DEUP1: variants seen among roughly 807,000 people sequenced by gnomAD.
The protein encoded by DEUP1 is coiled-coil domain containing 67.
A neutral mutation model predicts 87.4 loss-of-function variants in DEUP1; 82 were observed. The ratio of observed to expected loss-of-function variants is 0.94; its 90% CI spans 0.78 to 1.13. The LOEUF (loss-of-function observed/expected upper bound fraction) is 1.13, where lower values mean the gene tolerates loss of function less well. Among genes scored for constraint, DEUP1 ranks in the 50% most tolerant of loss-of-function variants. The pLI, the probability that DEUP1 is intolerant of heterozygous loss-of-function variation, is 0.00. For synonymous variants in DEUP1, 214 were observed against 222.7 expected, an observed-to-expected ratio of 0.96 and a Z score of 0.35; for missense variants, 663 against 681.5, an observed-to-expected ratio of 0.97 and a Z score of 0.30.
At chr11:93,372,133 T>G (rs1945766376) in intron 7 of DEUP1, among the ~76,000 whole-genome samples, 1 of 151,942 alleles carries the variant, frequency 6.6e-6, no homozygotes, top group South Asian at 2.1e-4. Context: ...TTTCACCGTT[T>G]TAGCCGGGAT....
chr11:93,344,420 C>T (rs1944232202), intron 2 of DEUP1, among the ~76,000 whole-genome samples: 1 of 151,820 alleles, frequency 6.6e-6, no homozygotes, highest in Admixed American at 6.6e-5. Context: ...TGCTTATCAG[C>T]CTTTGAAAAC....
Position 93,374,778 on chromosome 11 carries a change from T to C in DEUP1, c.789+3498T>C, listed in dbSNP as rs1003795025. 2.0e-5 allele frequency among the ~76,000 whole-genome samples: 3 copies of C among 152,258 alleles called. No homozygotes were observed. The South Asian group carries it at 6.2e-4, about 32-fold the overall frequency. The stretch of plus-strand genomic sequence containing the variant: ...TATGCAGGCTCTTTTTTTGGTTCCA[T>C]ATGAATTCTAAGAATTTTTTTCTAA... On this transcript the variant is annotated intron_variant, in intron 7 of 13. Coordinates refer to ENST00000298050, the MANE Select transcript of DEUP1 (RefSeq NM_181645.4).
At chr11:93,345,372 C>G (rs1385693301) in intron 2 of DEUP1, among the ~76,000 whole-genome samples, 1 of 152,182 alleles carries the variant, frequency 6.6e-6, no homozygotes, top group East Asian at 1.9e-4. Context: ...TGGTATATAC[C>G]CAGCAATGGG....
At chr11:93,436,013 ATTT>A (rs1179680084) in intron 13 of DEUP1, among the ~76,000 whole-genome samples, 1 of 130,394 alleles carries the variant, frequency 7.7e-6, no homozygotes, top group Non-Finnish European at 1.7e-5. Flanking sequence ...AAAAAAAAAA[ATTT>A]TTTCTGTGTC....
chr11:93,417,675 A>G (rs886581355), intron 13 of DEUP1, among the ~76,000 whole-genome samples: 1 of 147,238 alleles, frequency 6.8e-6, no homozygotes, highest in African/African-American at 2.6e-5. Context: ...AATTGTAAAA[A>G]ACTACTTTAA....
intron 13 of DEUP1, among the ~76,000 whole-genome samples, chr11:93,416,868 G>T (rs1385307535): frequency 3.3e-5 from 5 of 152,094 alleles, no homozygotes; most frequent in Non-Finnish European, 4.4e-5. Flanking sequence ...TGCAAGGCTG[G>T]TTCAATATAC....
At chr11:93,369,451 CA>C (rs35149531) in intron 5 of DEUP1, among the ~76,000 whole-genome samples, 36,610 of 129,936 alleles carry the variant, frequency 0.28, 4,579 homozygotes, top group South Asian at 0.41. Context: ...GTGGCAAATG[CA>C]AAAAAAAAAA....
intron 13 of DEUP1, among the ~76,000 whole-genome samples, chr11:93,418,419 A>C (rs1030656817): frequency 1.3e-5 from 2 of 152,170 alleles, no homozygotes; most frequent in Non-Finnish European, 2.9e-5. Context: ...CAGCCAAAAA[A>C]CACATGAAAA....
At chr11:93,418,343 C>G (rs1175844438) in intron 13 of DEUP1, among the ~76,000 whole-genome samples, 1 of 151,810 alleles carries the variant, frequency 6.6e-6, no homozygotes, top group Non-Finnish European at 1.5e-5. Context: ...AAGAAAAAAA[C>G]AAACAACCCC....
chr11:93,413,381 A>G (rs541254620), intron 12 of DEUP1, among the ~76,000 whole-genome samples: 1 of 151,924 alleles, frequency 6.6e-6, no homozygotes. Context: ...AGCTGGGACT[A>G]CAGGCGCCCG....
At chr11:93,419,777 G>T (rs553015000) in intron 13 of DEUP1, among the ~76,000 whole-genome samples, 2 of 150,582 alleles carry the variant, frequency 1.3e-5, no homozygotes, top group African/African-American at 4.9e-5. Context: ...TCTTTATGTT[G>T]GCATGAGAAA....
chr11:93,358,141 A>T (rs902148444), intron 4 of DEUP1, among the ~76,000 whole-genome samples: 1 of 152,204 alleles, frequency 6.6e-6, no homozygotes, highest in Admixed American at 6.5e-5. Context: ...AAATCTAGAA[A>T]GTTAGGTGCC....
chr11:93,429,956 G>A (rs1318082821), intron 13 of DEUP1, among the ~76,000 whole-genome samples: 2 of 152,082 alleles, frequency 1.3e-5, no homozygotes, highest in Admixed American at 1.3e-4. Context: ...TAGGTCTAGT[G>A]GTTTCCATCT....
intron 4 of DEUP1, among the ~76,000 whole-genome samples, chr11:93,361,584 T>C (rs77315450): frequency 0.091 from 13,861 of 152,036 alleles, 1,606 homozygotes; most frequent in African/African-American, 0.27. Flanking sequence ...TGTGATAAAT[T>C]ATGTAAATAT....
At chr11:93,391,488 T>A (rs1382107314) in intron 9 of DEUP1, among the ~76,000 whole-genome samples, 3 of 152,088 alleles carry the variant, frequency 2.0e-5, no homozygotes, top group African/African-American at 7.2e-5. Context: ...GGTGGGCGGA[T>A]CACGAGGTCA....
intron 4 of DEUP1, among the ~76,000 whole-genome samples, chr11:93,360,926 T>TAAAAAAAAAAA (rs1945146685): frequency 9.5e-6 from 1 of 105,108 alleles, no homozygotes. Context: ...AAAAAAAAAG[T>TAAAAAAAAAAA]AAACCTGCAG....
intron 7 of DEUP1, among the ~76,000 whole-genome samples, chr11:93,378,428 T>C (rs1487668793): frequency 6.6e-6 from 1 of 152,096 alleles, no homozygotes. Flanking sequence ...TGAATTTCTC[T>C]AAGTGTGTCC....
chr11:93,413,395 T>C (rs928835346), intron 12 of DEUP1, among the ~76,000 whole-genome samples: 1 of 152,012 alleles, frequency 6.6e-6, no homozygotes, highest in Admixed American at 6.6e-5. Context: ...GCGCCCGCCA[T>C]CACGCCAGGC....
chr11:93,351,107 T>A (rs2134198293), intron 2 of DEUP1, among the ~76,000 whole-genome samples: 1 of 150,878 alleles, frequency 6.6e-6, no homozygotes, highest in Non-Finnish European at 1.5e-5. Context: ...ATATATGTAT[T>A]CATAGAGGGA....
Sources: allele counts gnomAD v4.1 joint callset (sites outside exome capture counted in the v4.1 genomes callset), GRCh38; gene constraint gnomAD v4.1.1; transcripts MANE v1.5; gene names NCBI Gene and HGNC (gene_info 2026-07-23, HGNC 2026-07-21).